Variants in PDZK1 observed in about 807,000 individuals in gnomAD.
The protein encoded by PDZK1 is PDZ domain containing 1.
PDZK1 carries 23 observed loss-of-function variants against 38.1 expected under a neutral mutation model. The observed-to-expected ratio is 0.60, with a 90% CI of 0.43 to 0.85. The LOEUF (loss-of-function observed/expected upper bound fraction) is 0.85, where lower values mean the gene tolerates loss of function less well. Ranked by LOEUF, PDZK1 falls within the 40% of genes least tolerant of loss-of-function variation. The pLI is 0.00. For synonymous variants in PDZK1, 98 were observed against 186.2 expected (o/e 0.53, Z 3.86); for missense variants, 297 against 504.3 (o/e 0.59, Z 3.94).
chr1:145,677,910 T>TAAAAAAAA (rs71077285), intron 6 of PDZK1, among the ~76,000 whole-genome samples: 20 of 68,596 alleles, frequency 2.9e-4, no homozygotes, highest in East Asian at 1.0e-3. Context: ...GTGTTAAAAG[T>TAAAAAAAA]AAAAAAAAAA....
At chr1:145,695,796 G>A (rs1267800617) in intron 1 of PDZK1, among the ~76,000 whole-genome samples, 1 of 152,168 alleles carries the variant, frequency 6.6e-6, no homozygotes, top group Admixed American at 6.5e-5. Context: ...CCACATAGCA[G>A]CCATCAGAAT....
intron 1 of PDZK1, among the ~76,000 whole-genome samples, chr1:145,706,621 T>C (rs1018149368): frequency 1.3e-5 from 2 of 152,068 alleles, no homozygotes; most frequent in Non-Finnish European, 2.9e-5. Flanking sequence ...GTCTCATGAG[T>C]CTTCTGCTTA....
intron 1 of PDZK1, among the ~76,000 whole-genome samples, chr1:145,691,497 C>A (rs368671756): frequency 2.6e-5 from 4 of 152,148 alleles, no homozygotes; most frequent in African/African-American, 9.7e-5. Context: ...CTTCTTTAAC[C>A]CCACCTCATC....
rs781800704 is a variant in PDZK1 at position 145,686,469 on chromosome 1, A to T, written c.460+8T>A. ...CCTGCCTCCCCCTGCTCCCCAAAAAATTCTCACCTTGGACAGTTTTCAGAG... is the reference window on the plus strand; with the variant it reads ...CCTGCCTCCCCCTGCTCCCCAAAAATTTCTCACCTTGGACAGTTTTCAGAG... On this transcript the variant is annotated splice_region_variant and intron_variant, in intron 3 of 8. Transcript: ENST00000417171. 3.1e-6 allele frequency: 5 copies of T among 1,611,490 alleles called. No homozygotes were observed. The Admixed American group carries it at 5.0e-5, about 16-fold the overall frequency.
chr1:145,693,919 A>C (rs1401133860), intron 1 of PDZK1, among the ~76,000 whole-genome samples: 2 of 152,086 alleles, frequency 1.3e-5, no homozygotes, highest in African/African-American at 4.8e-5. Flanking sequence ...ATCCAACTTG[A>C]CAGGCCAAGG....
intron 1 of PDZK1, among the ~76,000 whole-genome samples, chr1:145,702,751 G>T (rs1383359865): frequency 6.6e-6 from 1 of 152,080 alleles, no homozygotes; most frequent in Non-Finnish European, 1.5e-5. Context: ...AAATTAGCTG[G>T]GTGTGGTGGC....
At chr1:145,689,679 T>G (rs1655081103) in intron 1 of PDZK1, among the ~76,000 whole-genome samples, 1 of 152,058 alleles carries the variant, frequency 6.6e-6, no homozygotes, top group African/African-American at 2.4e-5. Flanking sequence ...AGCCCTCAAG[T>G]TCCTCTCATC....
chr1:145,706,641 C>T (rs1656265740), intron 1 of PDZK1, among the ~76,000 whole-genome samples: 1 of 152,184 alleles, frequency 6.6e-6, no homozygotes, highest in Non-Finnish European at 1.5e-5. Flanking sequence ...AAGAAATAAA[C>T]TACTAGTGGT....
chr1:145,704,783 C>T (rs137866220), intron 1 of PDZK1, among the ~76,000 whole-genome samples: 4 of 152,294 alleles, frequency 2.6e-5, no homozygotes, highest in South Asian at 4.1e-4. Context: ...CCCTATGCAA[C>T]GAATGCAAGA....
intron 1 of PDZK1, among the ~76,000 whole-genome samples, chr1:145,696,932 T>C (rs1197189396): frequency 3.9e-5 from 6 of 152,108 alleles, no homozygotes; most frequent in Non-Finnish European, 8.8e-5. Flanking sequence ...TTTGGGACCA[T>C]CTGCACAGCA....
At chr1:145,672,017 CT>C (rs1553697992) in intron 8 of PDZK1, among the ~76,000 whole-genome samples, 2 of 152,046 alleles carry the variant, frequency 1.3e-5, no homozygotes, top group South Asian at 2.1e-4. Flanking sequence ...TTGAATTAAA[CT>C]TTTTTAGAGT....
intron 4 of PDZK1, among the ~76,000 whole-genome samples, chr1:145,681,432 G>T (rs1252009370): frequency 6.7e-6 from 1 of 149,036 alleles, no homozygotes; most frequent in Non-Finnish European, 1.5e-5. Flanking sequence ...ACAGGTGCCC[G>T]CCACCGCACC....
rs1553698617 is a variant in PDZK1, at chr1:145,673,643, C to T, written c.1215+14G>A. On this transcript the variant is annotated intron_variant, in intron 7 of 8. Transcript: ENST00000417171. ...GGCTGTGTTTGTTGGGCTGCTGGAA[C>T]CAGATTACCATACCTCTTTGATGAA... is the stretch of plus-strand genomic sequence containing the variant. The T allele has an allele frequency of 1.3e-6, 2 of 1,559,288 alleles. No homozygotes were observed. Among genetic ancestry groups the T allele is most frequent in the Admixed American group, 3.5e-5 (2 of 57,752 alleles).
intron 1 of PDZK1, among the ~76,000 whole-genome samples, chr1:145,690,213 T>C (rs917163483): frequency 5.3e-5 from 8 of 152,140 alleles, no homozygotes; most frequent in African/African-American, 1.9e-4. Flanking sequence ...TCCAGCTCCC[T>C]CACCTTTCAC....
chr1:145,697,394 G>A (rs1655689329), intron 1 of PDZK1, among the ~76,000 whole-genome samples: 2 of 151,848 alleles, frequency 1.3e-5, no homozygotes, highest in Non-Finnish European at 2.9e-5. Context: ...GAAGCAAAAA[G>A]GAATAATCAG....
chr1:145,703,343 T>C (rs1656075293), intron 1 of PDZK1, among the ~76,000 whole-genome samples: 1 of 152,128 alleles, frequency 6.6e-6, no homozygotes, highest in Non-Finnish European at 1.5e-5. Flanking sequence ...ACGTTGTGGG[T>C]GCTGGAATAT....
intron 6 of PDZK1, among the ~76,000 whole-genome samples, chr1:145,674,581 GGCCT>G (rs1260947767): frequency 2.0e-5 from 3 of 152,010 alleles, no homozygotes; most frequent in African/African-American, 7.2e-5. Flanking sequence ...CTGGTTCTCC[GGCCT>G]TTGGACTCTA....
At chr1:145,688,552 G>C (rs1654995259) in intron 1 of PDZK1, among the ~76,000 whole-genome samples, 1 of 152,136 alleles carries the variant, frequency 6.6e-6, no homozygotes. Context: ...AAAGGGTCTT[G>C]GGAATAGGGA....
At chr1:145,674,404 A>C (rs1349186590) in intron 6 of PDZK1, 1 of 461,026 alleles carries the variant, frequency 2.2e-6, no homozygotes, top group Non-Finnish European at 2.8e-6. Flanking sequence ...TGGATTAAGG[A>C]ATACCTAGAA....
Sources: gnomAD v4.1 joint callset for allele counts (sites outside exome capture counted in the v4.1 genomes callset) on GRCh38, gnomAD v4.1.1 for gene constraint, MANE v1.5 for transcripts, NCBI Gene and HGNC (gene_info 2026-07-23, HGNC 2026-07-21) for gene names.